The following HEPHL1 variants were observed in gnomAD, a reference collection of about 807,000 sequenced individuals.
HEPHL1 encodes the protein hephaestin like 1.
In HEPHL1, 123 loss-of-function variants were observed where a neutral mutation model predicts 122.0. The ratio of observed to expected loss-of-function variants is 1.01; its 90% CI spans 0.87 to 1.17. HEPHL1 has a LOEUF of 1.17. HEPHL1 is among the 50% of genes most tolerant of loss of function. HEPHL1 has a pLI of 0.00. For missense variants in HEPHL1, 1,452 were observed against 1,430.5 expected (o/e 1.01, Z -0.24); for synonymous variants, 527 against 508.9 (o/e 1.04, Z -0.48).
At chr11:94,084,363 A>AATAT (rs1467520105) in intron 10 of HEPHL1, among the ~76,000 whole-genome samples, 2 of 148,912 alleles carry the variant, frequency 1.3e-5, no homozygotes, top group African/African-American at 2.5e-5. Flanking sequence ...TAAATAAATA[A>AATAT]ATAAATAAAT....
intron 1 of HEPHL1, among the ~76,000 whole-genome samples, chr11:94,039,428 G>T (rs1945754921): frequency 6.6e-6 from 1 of 151,398 alleles, no homozygotes; most frequent in South Asian, 2.1e-4. Flanking sequence ...ATTTTTTTCA[G>T]CACCACACCA....
chr11:94,064,330 G>A lies in HEPHL1; in HGVS notation c.629-1G>A, dbSNP rs757560501. 6.8e-6 allele frequency: 11 copies of A among 1,607,066 alleles called. 1 individual carries two copies. The South Asian group carries it at 8.9e-5, about 13-fold the overall frequency. ...TCTACTCTTTTGAATGTGCCTGACA[G>A]GTATCCTGAATAGATATTCAGGGAC... On this transcript the variant is annotated splice_acceptor_variant, in intron 3 of 19. Coordinates refer to ENST00000315765, the MANE Select transcript of HEPHL1 (RefSeq NM_001098672.2). LOFTEE classifies it high-confidence loss of function.
Position 94,073,081 on chromosome 11 carries a change from A to T in HEPHL1, c.1289A>T (p.Lys430Met). The T allele has an allele frequency of 6.2e-7, 1 of 1,612,948 alleles. No individual in the cohort carries two copies. Among genetic ancestry groups the T allele is most frequent in the Non-Finnish European group, 8.5e-7 (1 of 1,179,170 alleles). ...AACAGAATAGGAGGAAAATACTGGAAGGTTCGGTATACTGAATTTGTTGAT... is the reference window on the plus strand; with the variant it reads ...AACAGAATAGGAGGAAAATACTGGATGGTTCGGTATACTGAATTTGTTGAT... ...GDNRIGGKYWKVRYTEFVDAT... is the reference protein window; with the variant it reads ...GDNRIGGKYWMVRYTEFVDAT... The change falls in exon 7 of 20, where the codon AAG becomes ATG. Residue 430 changes from lysine to methionine, a missense_variant. Transcript: ENST00000315765.
chr11:94,090,218 C>T (rs1946255444), intron 12 of HEPHL1, among the ~76,000 whole-genome samples: 1 of 151,864 alleles, frequency 6.6e-6, no homozygotes. Context: ...CTAGTGCTGC[C>T]AATACAAGCT....
At position 94,047,098 on chromosome 11, in the gene HEPHL1, C is replaced by T. The variant is rs575581115; in HGVS notation, c.415+1181C>T. Among the ~76,000 whole-genome samples, 4 of 152,326 alleles carry T rather than the reference C, an allele frequency of 2.6e-5. No individual in the cohort carries two copies. In the South Asian group the frequency reaches 8.3e-4, roughly 32 times the overall value. ...TTTGTTCTGGGCTCTTTTCCTCCACCTGGAGTGCAGCCAAGATTTGGTAGT... is the reference window on the plus strand; with the variant it reads ...TTTGTTCTGGGCTCTTTTCCTCCACTTGGAGTGCAGCCAAGATTTGGTAGT... On this transcript the variant is annotated intron_variant, in intron 2 of 19. Transcript: ENST00000315765.
intron 2 of HEPHL1, 57 bp downstream of exon 2, chr11:94,045,974 T>A: frequency 6.5e-7 from 1 of 1,538,834 alleles, no homozygotes; most frequent in African/African-American, 1.4e-5. Context: ...GTAAGGTAAC[T>A]GTCAGAGTTA....
intron 2 of HEPHL1, among the ~76,000 whole-genome samples, chr11:94,057,460 C>T (rs1565350930): frequency 6.6e-6 from 1 of 152,034 alleles, no homozygotes; most frequent in Admixed American, 6.6e-5. Flanking sequence ...TTCTATTTCC[C>T]CCACCTCTCT....
At chr11:94,104,400 C>A (rs1162570671) in intron 15 of HEPHL1, 128 bp from the exon 16 acceptor site, 2 of 664,470 alleles carry the variant, frequency 3.0e-6, no homozygotes, top group African/African-American at 1.8e-5. Flanking sequence ...TGAATCAGAG[C>A]TGAGAGAAGA....
At chr11:94,060,798 T>A (rs755756657) in intron 2 of HEPHL1, among the ~76,000 whole-genome samples, 15 of 152,146 alleles carry the variant, frequency 9.9e-5, no homozygotes, top group Non-Finnish European at 1.5e-4. Context: ...ATCCCAACAC[T>A]GATGGGAAGC....
chr11:94,056,600 G>A (rs1433752346), intron 2 of HEPHL1, among the ~76,000 whole-genome samples: 4 of 151,312 alleles, frequency 2.6e-5, no homozygotes, highest in African/African-American at 9.7e-5. Context: ...CTGGTAAAAT[G>A]TAGAAGCTTT....
intron 1 of HEPHL1, among the ~76,000 whole-genome samples, chr11:94,024,392 A>G (rs1945606421): frequency 6.6e-6 from 1 of 152,198 alleles, no homozygotes; most frequent in African/African-American, 2.4e-5. Context: ...CATTAGAAAT[A>G]ATTTTGAAAC....
intron 2 of HEPHL1, among the ~76,000 whole-genome samples, chr11:94,050,863 G>A (rs1168292892): frequency 6.6e-6 from 1 of 151,938 alleles, no homozygotes. Flanking sequence ...TATTCTGTAT[G>A]AGTTCAATTG....
chr11:94,033,993 C>T (rs570580565), intron 1 of HEPHL1, among the ~76,000 whole-genome samples: 1 of 152,058 alleles, frequency 6.6e-6, no homozygotes, highest in East Asian at 1.9e-4. Context: ...TGAGGAAGAC[C>T]ACTGAGGCCC....
Position 94,067,617 on chromosome 11 carries a change from TAACACCTTCATCAGC to T in HEPHL1, c.932_946del (p.Asn311_Ser315del). Reference sequence around the variant, plus strand: ...ACATCCATTCTATCTATTTCTATGGTAACACCTTCATCAGCAGAGGGCATCGGACTGATGTCGTCA... The same window carrying T: ...ACATCCATTCTATCTATTTCTATGGTAGAGGGCATCGGACTGATGTCGTCA... On this transcript the variant is annotated inframe_deletion, in exon 5 of 20. Transcript: ENST00000315765. 1 of 1,613,800 alleles carries T rather than the reference TAACACCTTCATCAGC, an allele frequency of 6.2e-7. No individual in the cohort carries two copies. The highest frequency in any genetic ancestry group is 8.5e-7 in the Non-Finnish European group (1 of 1,179,760).
At position 94,104,569 on chromosome 11, in the gene HEPHL1, A is replaced by G; in HGVS notation, c.2724A>G (p.Arg908=). ...SGLMGPLITC[R]KGVLNEKGRR... The stretch of plus-strand genomic sequence containing the variant: ...TGATGGGTCCTCTGATTACATGCCG[A>G]AAAGGAGTCTTGAATGAAAAGGGAA... The change falls in exon 16 of 20, where the codon CGA becomes CGG. Residue 908 remains arginine, a synonymous_variant. Coordinates refer to ENST00000315765, the MANE Select transcript of HEPHL1 (RefSeq NM_001098672.2). 1 of 1,613,840 alleles carries G rather than the reference A, an allele frequency of 6.2e-7. No homozygotes were observed. Among genetic ancestry groups the G allele is most frequent in the Non-Finnish European group, 8.5e-7 (1 of 1,179,770 alleles).
chr11:94,087,069 C>T (rs966709429), intron 11 of HEPHL1, among the ~76,000 whole-genome samples: 8 of 152,090 alleles, frequency 5.3e-5, no homozygotes, highest in Non-Finnish European at 1.2e-4. Flanking sequence ...AAAATCTTTG[C>T]CTAAGGACTG....
Position 94,075,936 on chromosome 11 carries a change from C to T in HEPHL1, c.1716+551C>T, listed in dbSNP as rs116005756. On this transcript the variant is annotated intron_variant, in intron 9 of 19. Coordinates refer to ENST00000315765, the MANE Select transcript of HEPHL1 (RefSeq NM_001098672.2). ...CAACTTAGAGATTTGAATTGTTCAA[C>T]TGATTAGTGTAGCGAAGCATAGCCT... Among the ~76,000 whole-genome samples the T allele has an allele frequency of 7.7e-3, 1,167 of 152,242 alleles. 17 individuals are homozygous for T. Among genetic ancestry groups the T allele is most frequent in the African/African-American group, 0.027 (1,108 of 41,542 alleles).
chr11:94,063,771 T>C, intron 3 of HEPHL1, 51 bp downstream of exon 3: 1 of 1,487,062 alleles, frequency 6.7e-7, no homozygotes. Flanking sequence ...TGAATAAGAT[T>C]CAGGTCTTAT....
At chr11:94,068,447 G>C (rs557874331) in intron 5 of HEPHL1, among the ~76,000 whole-genome samples, 64 of 152,236 alleles carry the variant, frequency 4.2e-4, no homozygotes, top group African/African-American at 1.4e-3. Context: ...CCTATGATAG[G>C]TGCATGATAA....
Sources: allele counts gnomAD v4.1 joint callset (sites outside exome capture counted in the v4.1 genomes callset), GRCh38; gene constraint gnomAD v4.1.1; transcripts MANE v1.5; gene names NCBI Gene and HGNC (gene_info 2026-07-23, HGNC 2026-07-21).